The following GLRB variants were observed in gnomAD, a reference collection of about 807,000 sequenced individuals.
The protein encoded by GLRB is glycine receptor beta.
In GLRB, 33 loss-of-function variants were observed where a neutral mutation model predicts 54.2. The observed-to-expected ratio is 0.61, with a 90% confidence interval of 0.46 to 0.81. GLRB has a LOEUF of 0.81. Ranked by LOEUF, GLRB falls within the 40% of genes least tolerant of loss-of-function variation. The pLI, the probability that GLRB is intolerant of heterozygous loss-of-function variation, is 0.00. For missense variants in GLRB, 572 were observed against 584.6 expected, an observed-to-expected ratio of 0.98 and a Z score of 0.22; for synonymous variants, 209 against 208.2, an observed-to-expected ratio of 1.00 and a Z score of -0.03.
chr4:157,140,777 A>G (rs902283542), intron 7 of GLRB, among the ~76,000 whole-genome samples: 2 of 151,936 alleles, frequency 1.3e-5, no homozygotes, highest in African/African-American at 2.4e-5. Flanking sequence ...TATATGCTTA[A>G]CATTTCAAAA....
intron 6 of GLRB, among the ~76,000 whole-genome samples, chr4:157,137,131 AT>A (rs1469968333): frequency 6.6e-6 from 1 of 152,170 alleles, no homozygotes; most frequent in Non-Finnish European, 1.5e-5. Flanking sequence ...TACTTCTAAC[AT>A]TCCAGTTGCC....
At chr4:157,164,062 G>A (rs1737621233) in intron 9 of GLRB, among the ~76,000 whole-genome samples, 2 of 152,050 alleles carry the variant, frequency 1.3e-5, no homozygotes, top group Non-Finnish European at 1.5e-5. Context: ...TTGCTGTTCT[G>A]TCTACTGGGT....
At chr4:157,125,518 A>T (rs1166563913) in intron 4 of GLRB, among the ~76,000 whole-genome samples, 1 of 151,916 alleles carries the variant, frequency 6.6e-6, no homozygotes, top group Non-Finnish European at 1.5e-5. Flanking sequence ...TTAAAATTTC[A>T]CAGTAGTATA....
chr4:157,158,396 A>T (rs552240231), intron 9 of GLRB, among the ~76,000 whole-genome samples: 1 of 152,122 alleles, frequency 6.6e-6, no homozygotes, highest in African/African-American at 2.4e-5. Flanking sequence ...TTAGTCATGA[A>T]GTCCTTGCTC....
At chr4:157,079,007 T>C (rs535879623) in intron 2 of GLRB, among the ~76,000 whole-genome samples, 1 of 152,268 alleles carries the variant, frequency 6.6e-6, no homozygotes, top group East Asian at 1.9e-4. Context: ...CTCCTGACCC[T>C]GGGTGATCTG....
At chr4:157,122,284 C>A in intron 3 of GLRB, 46 bp from the exon 4 acceptor site, 3 of 766,268 alleles carry the variant, frequency 3.9e-6, no homozygotes, top group South Asian at 1.8e-5. Flanking sequence ...TGATTCTGAC[C>A]AAGTTTTTTA....
At chr4:157,126,116 C>A (rs1035657033) in intron 4 of GLRB, among the ~76,000 whole-genome samples, 22 of 151,834 alleles carry the variant, frequency 1.4e-4, no homozygotes, top group Non-Finnish European at 1.5e-5. Context: ...CCCATTTCAT[C>A]AGTGGATAAT....
At chr4:157,077,599 C>T (rs182885754) in intron 1 of GLRB, among the ~76,000 whole-genome samples, 4 of 151,828 alleles carry the variant, frequency 2.6e-5, no homozygotes, top group East Asian at 3.9e-4. Context: ...AAGTACTAGC[C>T]GAAGATAATC....
intron 2 of GLRB, among the ~76,000 whole-genome samples, chr4:157,114,028 T>C (rs1735514864): frequency 6.6e-6 from 1 of 151,984 alleles, no homozygotes; most frequent in African/African-American, 2.4e-5. Context: ...TATGTATTCA[T>C]GAATAACCAC....
rs576546341 is a variant in GLRB at position 157,083,876 on chromosome 4, G to A, written c.122+5730G>A. Among the ~76,000 whole-genome samples, 6 of 152,100 alleles carry A rather than the reference G, an allele frequency of 3.9e-5. No individual in the cohort carries two copies. The South Asian group carries it at 1.2e-3, about 32-fold the overall frequency. ...AAAACTTTTCTCTTTTCTGACCTTA[G>A]GTGTAATAGTAAGAAGAAATATGTC... On this transcript the variant is annotated intron_variant, in intron 2 of 9. Coordinates refer to ENST00000264428, the MANE Select transcript of GLRB (RefSeq NM_000824.5).
In GLRB at chr4:157,138,849, A is replaced by G. The variant is rs746652328; in HGVS notation, c.651A>G (p.Ser217=). The G allele has an allele frequency of 6.4e-7, 1 of 1,566,886 alleles. No homozygotes were observed. The highest frequency in any genetic ancestry group is 8.8e-7 in the Non-Finnish European group (1 of 1,137,828). Residue 217 remains serine, a synonymous_variant, in exon 7 of 10, where the codon TCA becomes TCG. Transcript: ENST00000264428. ...TTDDLRFIWQ[S]GDPVQLEKIA... Reference sequence around the variant, plus strand: ...ATGATTTACGATTTATCTGGCAGTCAGGAGATCCTGTGCAATTAGAAAAAA... The same window carrying G: ...ATGATTTACGATTTATCTGGCAGTCGGGAGATCCTGTGCAATTAGAAAAAA...
chr4:157,121,110 AT>A (rs1735801276), intron 3 of GLRB, among the ~76,000 whole-genome samples: 1 of 151,582 alleles, frequency 6.6e-6, no homozygotes, highest in Non-Finnish European at 1.5e-5. Flanking sequence ...TTTTGTTATT[AT>A]TTCACATTAA....
At chr4:157,089,831 A>G (rs1734545638) in intron 2 of GLRB, among the ~76,000 whole-genome samples, 1 of 152,148 alleles carries the variant, frequency 6.6e-6, no homozygotes, top group Admixed American at 6.5e-5. Flanking sequence ...AACATACCCA[A>G]CATATTAAAC....
intron 8 of GLRB, among the ~76,000 whole-genome samples, chr4:157,150,089 A>T (rs1736962910): frequency 6.6e-6 from 1 of 152,050 alleles, no homozygotes; most frequent in Non-Finnish European, 1.5e-5. Context: ...CATGTTGATG[A>T]GCTAAATAAC....
chr4:157,088,062 C>T (rs1464489709), intron 2 of GLRB, among the ~76,000 whole-genome samples: 1 of 152,052 alleles, frequency 6.6e-6, no homozygotes, highest in Non-Finnish European at 1.5e-5. Flanking sequence ...ATTTTTAGGG[C>T]TCTGATTGGA....
At chr4:157,090,140 G>T in intron 2 of GLRB, among the ~76,000 whole-genome samples, 1 of 151,950 alleles carries the variant, frequency 6.6e-6, no homozygotes, top group Non-Finnish European at 1.5e-5. Flanking sequence ...TCAAATTGTT[G>T]GTCTAAGGTC....
At chr4:157,096,492 A>G (rs1456092835) in intron 2 of GLRB, among the ~76,000 whole-genome samples, 6 of 152,226 alleles carry the variant, frequency 3.9e-5, no homozygotes, top group Non-Finnish European at 7.3e-5. Flanking sequence ...ATTCAATAAA[A>G]AGTTACATTG....
At chr4:157,160,857 G>A (rs1737456074) in intron 9 of GLRB, among the ~76,000 whole-genome samples, 1 of 152,148 alleles carries the variant, frequency 6.6e-6, no homozygotes, top group South Asian at 2.1e-4. Context: ...CCCACTTGGT[G>A]CAGAGCTGAG....
At chr4:157,155,823 G>A (rs1737206236) in intron 9 of GLRB, among the ~76,000 whole-genome samples, 1 of 152,084 alleles carries the variant, frequency 6.6e-6, no homozygotes, top group Non-Finnish European at 1.5e-5. Context: ...TGAAAATATA[G>A]ATGTATGTTT....
Sources: allele counts gnomAD v4.1 joint callset (sites outside exome capture counted in the v4.1 genomes callset), GRCh38; gene constraint gnomAD v4.1.1; transcripts MANE v1.5; gene names NCBI Gene and HGNC (gene_info 2026-07-23, HGNC 2026-07-21).